Variants in MGMT observed in about 807,000 individuals in gnomAD.
The protein encoded by MGMT is O-6-methylguanine-DNA methyltransferase.
Under a neutral mutation model 15.9 loss-of-function variants are expected in MGMT, and 14 were observed. The ratio of observed to expected loss-of-function variants is 0.88; its 90% CI spans 0.58 to 1.37. The LOEUF is 1.37. Ranked by LOEUF, MGMT falls within the 40% of genes most tolerant of loss-of-function variation. MGMT has a pLI of 0.00. For synonymous variants in MGMT, 130 were observed against 118.2 expected (o/e 1.10, Z -0.65); for missense variants, 282 against 268.1 (o/e 1.05, Z -0.36).
At chr10:129,568,530 T>TA (rs532892365) in intron 2 of MGMT, among the ~76,000 whole-genome samples, 238 of 152,116 alleles carry the variant, frequency 1.6e-3, no homozygotes, top group African/African-American at 4.7e-3. Flanking sequence ...ATAGGATAGT[T>TA]AAAAAAAACA....
chr10:129,624,773 G>C (rs1167036661), intron 2 of MGMT, among the ~76,000 whole-genome samples: 1 of 152,204 alleles, frequency 6.6e-6, no homozygotes, highest in Non-Finnish European at 1.5e-5. Context: ...GTCTCACTGT[G>C]GGAACATGGT....
chr10:129,580,298 G>A (rs1846537004), intron 2 of MGMT, among the ~76,000 whole-genome samples: 1 of 152,180 alleles, frequency 6.6e-6, no homozygotes, highest in Non-Finnish European at 1.5e-5. Flanking sequence ...CAGGAGCCTT[G>A]GAAGTCGGCT....
intron 2 of MGMT, among the ~76,000 whole-genome samples, chr10:129,558,025 G>A (rs553783566): frequency 3.9e-4 from 59 of 152,246 alleles, no homozygotes; most frequent in African/African-American, 1.3e-3. Flanking sequence ...GGACAGCTGC[G>A]GGAAGAGGTT....
intron 2 of MGMT, among the ~76,000 whole-genome samples, chr10:129,596,130 T>A (rs1406969615): frequency 1.4e-5 from 2 of 148,122 alleles, no homozygotes; most frequent in Non-Finnish European, 3.0e-5. Context: ...ATCGGTAGCA[T>A]GTGTCCTAAT....
chr10:129,688,846 A>G (rs888039591), intron 2 of MGMT, among the ~76,000 whole-genome samples: 1 of 152,198 alleles, frequency 6.6e-6, no homozygotes, highest in African/African-American at 2.4e-5. Context: ...CACGGCAAGC[A>G]TCAGACCTGA....
intron 2 of MGMT, among the ~76,000 whole-genome samples, chr10:129,627,561 C>G (rs776025241): frequency 2.6e-5 from 4 of 152,194 alleles, no homozygotes; most frequent in Non-Finnish European, 5.9e-5. Context: ...GCCCTCCACT[C>G]TTCATGATGA....
intron 1 of MGMT, among the ~76,000 whole-genome samples, chr10:129,519,516 G>A (rs1208620117): frequency 6.6e-6 from 1 of 152,204 alleles, no homozygotes; most frequent in Non-Finnish European, 1.5e-5. Flanking sequence ...GATGGAGCCT[G>A]TCGCTCCAGG....
chr10:129,695,684 A>G (rs1392521858), intron 2 of MGMT, among the ~76,000 whole-genome samples: 1 of 152,184 alleles, frequency 6.6e-6, no homozygotes, highest in African/African-American at 2.4e-5. Flanking sequence ...TACCAAAAGT[A>G]TTATTTCTCA....
At chr10:129,496,437 A>G (rs1015120230) in intron 1 of MGMT, among the ~76,000 whole-genome samples, 1 of 152,202 alleles carries the variant, frequency 6.6e-6, no homozygotes, top group African/African-American at 2.4e-5. Flanking sequence ...CTCAGGGGAC[A>G]TAACATTTTA....
intron 2 of MGMT, among the ~76,000 whole-genome samples, chr10:129,658,242 G>C (rs1396956249): frequency 6.6e-6 from 1 of 152,184 alleles, no homozygotes; most frequent in Non-Finnish European, 1.5e-5. Context: ...AGGTCTGCAA[G>C]GGAGGGAGAG....
At chr10:129,626,892 G>C (rs369523334) in intron 2 of MGMT, among the ~76,000 whole-genome samples, 26 of 152,326 alleles carry the variant, frequency 1.7e-4, no homozygotes, top group African/African-American at 5.5e-4. Context: ...TGCAGGGAAG[G>C]CTTCTCATCT....
chr10:129,491,720 C>T (rs1028785746), intron 1 of MGMT, among the ~76,000 whole-genome samples: 6 of 152,136 alleles, frequency 3.9e-5, no homozygotes, highest in African/African-American at 1.4e-4. Flanking sequence ...CAGTCTGTTA[C>T]TAAACCCATC....
intron 1 of MGMT, among the ~76,000 whole-genome samples, chr10:129,468,068 G>A (rs368893366): frequency 2.6e-5 from 4 of 151,864 alleles, no homozygotes; most frequent in Non-Finnish European, 5.9e-5. Flanking sequence ...TTGGTCCAGA[G>A]AGCTGTTCTC....
intron 2 of MGMT, among the ~76,000 whole-genome samples, chr10:129,547,257 G>A (rs1339877862): frequency 6.6e-6 from 1 of 152,080 alleles, no homozygotes; most frequent in African/African-American, 2.4e-5. Context: ...TCCTGCTGGG[G>A]GCGTTAACCC....
At chr10:129,546,419 T>C (rs1846098785) in intron 2 of MGMT, among the ~76,000 whole-genome samples, 1 of 152,016 alleles carries the variant, frequency 6.6e-6, no homozygotes, top group Non-Finnish European at 1.5e-5. Context: ...TGTAGGGGCA[T>C]GGAGGGGTAG....
Position 129,648,934 on chromosome 10 carries a change from A to G in MGMT, c.126-58961A>G, listed in dbSNP as rs182361864. Among the ~76,000 whole-genome samples the G allele has an allele frequency of 1.2e-4, 18 of 152,338 alleles. No homozygotes were observed. The East Asian group carries it at 3.1e-3, about 26-fold the overall frequency. On this transcript the variant is annotated intron_variant, in intron 2 of 4. Coordinates refer to ENST00000651593, the MANE Select transcript of MGMT (RefSeq NM_002412.5). ...AGCCCTGCTAAGACCAGTTAAAAGC[A>G]TCTGTGGTCTGGGCGGAGGGAGCTT...
At chr10:129,636,132 C>T (rs932525397) in intron 2 of MGMT, among the ~76,000 whole-genome samples, 1 of 152,178 alleles carries the variant, frequency 6.6e-6, no homozygotes, top group Non-Finnish European at 1.5e-5. Context: ...GGATGAAGTA[C>T]AACGTTCACC....
chr10:129,688,543 AT>A (rs531514819), intron 2 of MGMT, among the ~76,000 whole-genome samples: 1 of 151,834 alleles, frequency 6.6e-6, no homozygotes, highest in Non-Finnish European at 1.5e-5. Flanking sequence ...GTGTTGTTTG[AT>A]TTTTTTCTTG....
In MGMT at chr10:129,485,678, G is replaced by A. The variant is rs190431883; in HGVS notation, c.-13+18382G>A. Among the ~76,000 whole-genome samples the A allele has an allele frequency of 4.7e-4, 72 of 152,284 alleles. No homozygotes were observed. In the East Asian group the frequency reaches 0.01, roughly 22 times the overall value. On this transcript the variant is annotated intron_variant, in intron 1 of 4. Transcript: ENST00000651593. The stretch of plus-strand genomic sequence containing the variant: ...AATCCAGAAAAATCTAAAACCTGAA[G>A]CACTTCTGGTTCCCAGAATTTCAGG...
Sources: gnomAD v4.1 joint callset for allele counts (sites outside exome capture counted in the v4.1 genomes callset) on GRCh38, gnomAD v4.1.1 for gene constraint, MANE v1.5 for transcripts, NCBI Gene and HGNC (gene_info 2026-07-23, HGNC 2026-07-21) for gene names.